Variants in ESS2 observed in about 807,000 individuals in gnomAD.
ESS2 encodes the protein ess-2 spliceosome associated protein.
In ESS2, 31 loss-of-function variants were observed where a neutral mutation model predicts 52.0. The observed-to-expected ratio is 0.60, with a 90% CI of 0.45 to 0.81. The LOEUF is 0.81. Ranked by LOEUF, ESS2 falls within the 30% of genes least tolerant of loss-of-function variation. The pLI is 0.00. For synonymous variants in ESS2, 285 were observed against 259.2 expected, an observed-to-expected ratio of 1.10 and a Z score of -0.95; for missense variants, 602 against 637.2, an observed-to-expected ratio of 0.94 and a Z score of 0.59.
intron 1 of ESS2, 176 bp downstream of exon 1, chr22:19,144,330 T>C: frequency 7.1e-7 from 1 of 1,412,686 alleles, no homozygotes; most frequent in South Asian, 1.5e-5. Flanking sequence ...TACTACAGCC[T>C]CTTCCACCAC....
In ESS2 at chr22:19,131,902, G is replaced by C; in HGVS notation, c.*2294C>G. On this transcript the variant is annotated 3_prime_UTR_variant, in exon 10 of 10. Coordinates refer to ENST00000252137, the MANE Select transcript of ESS2 (RefSeq NM_022719.3). This position sits in a 1 kb window ranked among gnomAD's most constrained non-coding sequence, Gnocchi z 5.7. ...CGCTGCCTGCGGGACAGCAATGGGC[G>C]CATCATCCTCAGCAAGACCTTCTGC... The C allele has an allele frequency of 6.2e-7, 1 of 1,614,036 alleles. No homozygotes were observed. Among genetic ancestry groups the C allele is most frequent in the Non-Finnish European group, 8.5e-7 (1 of 1,179,954 alleles).
Position 19,138,609 on chromosome 22 carries a change from G to GGATGCTGACGCCAGGCCCCTGCAGGGGGC in ESS2, c.823-321_823-293dup, listed in dbSNP as rs548519458. Reference sequence around the variant, plus strand: ...CTGCGCCTATCCCAGCAACTCCAGAGGATGCTGACGCCAGGCCCCTGCAGG... The same window carrying GGATGCTGACGCCAGGCCCCTGCAGGGGGC: ...CTGCGCCTATCCCAGCAACTCCAGAGGATGCTGACGCCAGGCCCCTGCAGGGGGCGATGCTGACGCCAGGCCCCTGCAGG... On this transcript the variant is annotated intron_variant, in intron 6 of 9. Coordinates refer to ENST00000252137, the MANE Select transcript of ESS2 (RefSeq NM_022719.3). The GGATGCTGACGCCAGGCCCCTGCAGGGGGC allele has an allele frequency of 2.6e-3, 1,462 of 555,622 alleles. 12 individuals carry two copies. The highest frequency in any genetic ancestry group is 0.018 in the Middle Eastern group (36 of 2,018). 34.4% of individuals were successfully genotyped at this position (555,622 alleles called of 1,614,324 possible). A position where few individuals can be genotyped will look rare whatever the true frequency, so the allele number is the denominator to read the frequency against.
intron 8 of ESS2, among the ~76,000 whole-genome samples, chr22:19,136,469 T>A (rs1006985276): frequency 5.3e-5 from 8 of 152,198 alleles, no homozygotes; most frequent in African/African-American, 1.9e-4. Flanking sequence ...CTGCTACACA[T>A]CCTGAGGACC....
Position 19,144,637 on chromosome 22 carries a change from C to G in ESS2, c.4G>C (p.Glu2Gln). 1 of 1,514,178 alleles carries G rather than the reference C, an allele frequency of 6.6e-7. No individual in the cohort carries two copies. The highest frequency in any genetic ancestry group is 8.9e-7 in the Non-Finnish European group (1 of 1,125,540). The allele number at this position is 1,514,178 out of a possible 1,614,324, so 93.8% of individuals were successfully genotyped here. A position where few individuals can be genotyped will look rare whatever the true frequency, so the allele number is the denominator to read the frequency against. The change falls in exon 1 of 10, where the codon GAG (glutamate) becomes CAG (glutamine). Residue 2 changes from glutamate to glutamine, a missense_variant. By Grantham distance (29) the Glu-to-Gln change is conservative (BLOSUM62 2). Transcript: ENST00000252137. M[E>Q]TPGASASSLL... The stretch of plus-strand genomic sequence containing the variant: ...GACGACGCTGATGCGCCCGGCGTCT[C>G]CATCGCTATCCCAGGAAAAAGCTCG...
rs1359051663 is a variant in ESS2, at chr22:19,132,264, G to A, written c.*1932C>T. 1.2e-6 allele frequency: 2 copies of A among 1,612,576 alleles called. No individual in the cohort carries two copies. Among genetic ancestry groups the A allele is most frequent in the Non-Finnish European group, 1.7e-6 (2 of 1,179,190 alleles). Reference sequence around the variant, plus strand: ...GTCTTCTGCCTCCTTCAAGAGGGAGGGGGAGGGCAAGTACCGCGCTGAGTG... The same window carrying A: ...GTCTTCTGCCTCCTTCAAGAGGGAGAGGGAGGGCAAGTACCGCGCTGAGTG... On this transcript the variant is annotated 3_prime_UTR_variant, in exon 10 of 10. Transcript: ENST00000252137. This position sits in a 1 kb window ranked among gnomAD's most constrained non-coding sequence, Gnocchi z 4.2.
At chr22:19,135,576 T>C (rs1209650871) in intron 8 of ESS2, among the ~76,000 whole-genome samples, 1 of 152,230 alleles carries the variant, frequency 6.6e-6, no homozygotes, top group Non-Finnish European at 1.5e-5. Flanking sequence ...CAGAAGACCC[T>C]TGCCAAGACC....
Position 19,137,416 on chromosome 22 carries a change from C to G in ESS2, c.942G>C (p.Pro314=), listed in dbSNP as rs778741540. Residue 314 remains proline (P), a synonymous_variant, in exon 8 of 10, where the codon CCG becomes CCC. Coordinates refer to ENST00000252137, the MANE Select transcript of ESS2 (RefSeq NM_022719.3). The part of the protein sequence containing the change: ...PSPAPGVNES[P]MMTWGEVENT... ...TCTCAACCTCCCCCCAGGTCATCATCGGGGACTCGTTCACACCTGCAGACA... is the reference window on the plus strand; with the variant it reads ...TCTCAACCTCCCCCCAGGTCATCATGGGGGACTCGTTCACACCTGCAGACA... 12 of 1,613,282 alleles carry G rather than the reference C, an allele frequency of 7.4e-6. No individual in the cohort carries two copies. Among genetic ancestry groups the G allele is most frequent in the Non-Finnish European group, 1.0e-5 (12 of 1,179,580 alleles).
At position 19,141,816 on chromosome 22, in the gene ESS2, C is replaced by G. The variant is rs949660755; in HGVS notation, c.400+722G>C. ...TAGCCGGGACAACATGGCAAAACCTCGTCTCTACTACAAAATACAAAAATT... is the reference window on the plus strand; with the variant it reads ...TAGCCGGGACAACATGGCAAAACCTGGTCTCTACTACAAAATACAAAAATT... On this transcript the variant is annotated intron_variant, in intron 3 of 9. Transcript: ENST00000252137. Among the ~76,000 whole-genome samples, 8 of 152,162 alleles carry G rather than the reference C, an allele frequency of 5.3e-5. No homozygotes were observed. The East Asian group carries it at 1.2e-3, about 22-fold the overall frequency.
chr22:19,139,236 T>C lies in ESS2; in HGVS notation c.745A>G (p.Thr249Ala). The C allele has an allele frequency of 6.2e-7, 1 of 1,608,894 alleles. No individual in the cohort carries two copies. Among genetic ancestry groups the C allele is most frequent in the Non-Finnish European group, 8.5e-7 (1 of 1,177,468 alleles). ...KKPRQVVHKN[T>A]RFLRDPFSQA... is the part of the protein sequence containing the mutation. ...CTGAAGGGGTCCCTAAGGAAGCGCGTGTTCTTATGTACCACCTGCCGGGGC... is the reference window on the plus strand; with the variant it reads ...CTGAAGGGGTCCCTAAGGAAGCGCGCGTTCTTATGTACCACCTGCCGGGGC... The change falls in exon 6 of 10, where the codon ACG (threonine) becomes GCG (alanine). Residue 249 changes from threonine (T) to alanine (A), a missense_variant. Coordinates refer to ENST00000252137, the MANE Select transcript of ESS2 (RefSeq NM_022719.3).
intron 7 of ESS2, 81 bp downstream of exon 7, chr22:19,138,134 G>T (rs909150614): frequency 6.3e-7 from 1 of 1,594,880 alleles, no homozygotes; most frequent in Admixed American, 1.7e-5. Flanking sequence ...GAGGCCAGGA[G>T]TGGCCAGGGC....
rs2083603586 is a variant in ESS2 at position 19,137,442 on chromosome 22, A to G, written c.926-10T>C. 2.5e-6 allele frequency: 4 copies of G among 1,606,436 alleles called. No individual in the cohort carries two copies. The highest frequency in any genetic ancestry group is 1.6e-4 in the Middle Eastern group (1 of 6,062). On this transcript the variant is annotated splice_polypyrimidine_tract_variant and intron_variant, in intron 7 of 9. Coordinates refer to ENST00000252137, the MANE Select transcript of ESS2 (RefSeq NM_022719.3). ...GGGGACTCGTTCACACCTGCAGACA[A>G]AGAGCCCAAAACCACCTCAGGCCAG... is the stretch of plus-strand genomic sequence containing the variant.
Position 19,132,749 on chromosome 22 carries a change from C to T in ESS2, c.*1447G>A, listed in dbSNP as rs563420605. 1.8e-5 allele frequency: 8 copies of T among 440,982 alleles called. No individual in the cohort carries two copies. Among genetic ancestry groups the T allele is most frequent in the Admixed American group, 1.2e-4 (3 of 24,552 alleles). 27.3% of individuals were successfully genotyped at this position (440,982 alleles called of 1,614,324 possible). A position where few individuals can be genotyped will look rare whatever the true frequency, so the allele number is the denominator to read the frequency against. ...TGTTTTTCTCTGGGACTCAGCCAACCGCCCCACCTGACACACAGTGGTCTC... is the reference window on the plus strand; with the variant it reads ...TGTTTTTCTCTGGGACTCAGCCAACTGCCCCACCTGACACACAGTGGTCTC... On this transcript the variant is annotated 3_prime_UTR_variant, in exon 10 of 10. Coordinates refer to ENST00000252137, the MANE Select transcript of ESS2 (RefSeq NM_022719.3). The surrounding 1 kb of genome is among the most constrained non-coding windows in gnomAD (Gnocchi z 4.2).
In ESS2 at chr22:19,142,009, G is replaced by A. The variant is rs555742878; in HGVS notation, c.400+529C>T. 1.7e-4 allele frequency among the ~76,000 whole-genome samples: 26 copies of A among 152,160 alleles called. No homozygotes were observed. The East Asian group carries it at 4.1e-3, about 24-fold the overall frequency. On this transcript the variant is annotated intron_variant, in intron 3 of 9. Coordinates refer to ENST00000252137, the MANE Select transcript of ESS2 (RefSeq NM_022719.3). ...TGTGTCAAAAAATTAAAAATAAAAT[G>A]AAATTAAATAAAATAAAATGTCTTG...
At position 19,139,681 on chromosome 22, in the gene ESS2, C is replaced by A; in HGVS notation, c.619G>T (p.Glu207Ter). 6.2e-7 allele frequency: 1 copy of A among 1,614,220 alleles called. No individual in the cohort carries two copies. Among genetic ancestry groups the A allele is most frequent in the Non-Finnish European group, 8.5e-7 (1 of 1,180,024 alleles). The part of the protein sequence containing the change: ...ELPSAEHQAI[E>*]SSQASVETWK... ...GTCTCCACACTGGCCTGGCTGCTCT[C>A]GATGGCCTGGTGCTCTGCTGACGGG... The change falls in exon 5 of 10, where the codon GAG (glutamate) becomes TAG (stop). Residue 207 changes from glutamate to a stop codon, truncating the protein, a stop_gained. Transcript: ENST00000252137. LOFTEE classifies it high-confidence loss of function.
In ESS2 at chr22:19,131,384, A is replaced by C; in HGVS notation, c.*2812T>G. Reference sequence around the variant, plus strand: ...GGGGGATGTAGACGGCAGCGGCGCCAGTCGCTCCTGGCACCATGGACGATG... The same window carrying C: ...GGGGGATGTAGACGGCAGCGGCGCCCGTCGCTCCTGGCACCATGGACGATG... On this transcript the variant is annotated 3_prime_UTR_variant, in exon 10 of 10. Transcript: ENST00000252137. The surrounding 1 kb of genome is among the most constrained non-coding windows in gnomAD (Gnocchi z 5.7). 1.0e-5 allele frequency: 16 copies of C among 1,554,290 alleles called. No homozygotes were observed. Among genetic ancestry groups the C allele is most frequent in the Non-Finnish European group, 1.1e-5 (12 of 1,142,532 alleles).
At position 19,137,498 on chromosome 22, in the gene ESS2, C is replaced by T; in HGVS notation, c.926-66G>A. 5 of 1,249,338 alleles carry T rather than the reference C, an allele frequency of 4.0e-6. No homozygotes were observed. In the South Asian group the frequency reaches 5.5e-5, roughly 14 times the overall value. The allele number at this position is 1,249,338 out of a possible 1,614,324, so 77.4% of individuals were successfully genotyped here. On this transcript the variant is annotated intron_variant, in intron 7 of 9. Coordinates refer to ENST00000252137, the MANE Select transcript of ESS2 (RefSeq NM_022719.3). ...TCCCCACCACCCTCCCCTCCAGTCA[C>T]AGCTTGTTCACCCAATGTGCATCCC...
rs905035244 is a variant in ESS2 at position 19,134,466 on chromosome 22, G to A, written c.1161C>T (p.Pro387=). The A allele has an allele frequency of 1.5e-5, 24 of 1,562,482 alleles. No homozygotes were observed. The highest frequency in any genetic ancestry group is 1.9e-5 in the Non-Finnish European group (22 of 1,150,684). Reference sequence around the variant, plus strand: ...GCGACATGGCTGGGCTCAGGCCTTTGGGGGTGAGGCTGGGGTGGAGGAATG... The same window carrying A: ...GCGACATGGCTGGGCTCAGGCCTTTAGGGGTGAGGCTGGGGTGGAGGAATG... ...RVTENLASLT[P]KGLSPAMSPA... The change falls in exon 10 of 10, where the codon CCC becomes CCT. Residue 387 remains proline, a synonymous_variant. Transcript: ENST00000252137.
At chr22:19,138,941 C>G (rs1601355169) in intron 6 of ESS2, among the ~76,000 whole-genome samples, 1 of 152,206 alleles carries the variant, frequency 6.6e-6, no homozygotes, top group African/African-American at 2.4e-5. Context: ...ATCAAGGGAG[C>G]TGGCACAGAT....
chr22:19,142,692 T>C (rs750533759), intron 2 of ESS2, 34 bp downstream of exon 2: 1 of 1,610,564 alleles, frequency 6.2e-7, no homozygotes, highest in Non-Finnish European at 8.5e-7. Context: ...TTCAGCAGGC[T>C]TTCCCCTCTC....
Sources: allele counts gnomAD v4.1 joint callset (sites outside exome capture counted in the v4.1 genomes callset), GRCh38; gene constraint gnomAD v4.1.1; non-coding constraint Gnocchi (gnomAD v3.1); transcripts MANE v1.5; gene names NCBI Gene and HGNC (gene_info 2026-07-23, HGNC 2026-07-21).